MSX2: variants seen among roughly 807,000 people sequenced by gnomAD.
The protein encoded by MSX2 is homeobox protein MSX-2.
In MSX2, 10 loss-of-function variants were observed where a neutral mutation model predicts 18.4. The observed-to-expected ratio is 0.54, with a 90% confidence interval of 0.34 to 0.92. MSX2 has a LOEUF of 0.92. MSX2 is among the 40% of genes least tolerant of loss of function. MSX2 has a pLI of 0.02. For missense variants in MSX2, 339 were observed against 364.0 expected (o/e 0.93, Z 0.56); for synonymous variants, 170 against 165.6 (o/e 1.03, Z -0.20).
rs372223571 is a variant in MSX2 at position 174,729,598 on chromosome 5, A to G, written c.*15A>G. 31 of 1,605,566 alleles carry G rather than the reference A, an allele frequency of 1.9e-5. No homozygotes were observed. The African/African-American group carries it at 3.7e-4, about 19-fold the overall frequency. On this transcript the variant is annotated 3_prime_UTR_variant, in exon 2 of 2. Transcript: ENST00000239243. Reference sequence around the variant, plus strand: ...ACCTGTCCTAAGGAAGACCAGATCAATAGACTCCATGATGGATGCTTGTTT... The same window carrying G: ...ACCTGTCCTAAGGAAGACCAGATCAGTAGACTCCATGATGGATGCTTGTTT...
In MSX2 at chr5:174,730,723, A is replaced by G. The variant is rs1561643896; in HGVS notation, c.*1140A>G. On this transcript the variant is annotated 3_prime_UTR_variant, in exon 2 of 2. Transcript: ENST00000239243. Reference sequence around the variant, plus strand: ...TGAAAATGGGATTGTCAAACAGCCCATTAAGTTCCCTGGTATTTCACCTTC... The same window carrying G: ...TGAAAATGGGATTGTCAAACAGCCCGTTAAGTTCCCTGGTATTTCACCTTC... The G allele has an allele frequency of 6.6e-6, 1 of 152,608 alleles. No homozygotes were observed. The highest frequency in any genetic ancestry group is 1.5e-5 in the Non-Finnish European group (1 of 68,036). 9.5% of individuals were successfully genotyped at this position (152,608 alleles called of 1,614,324 possible).
chr5:174,729,748 T>G lies in MSX2; in HGVS notation c.*165T>G. ...CACACGACATAGCTGAAATTTGTTCTGTAGGCGGAGGCACCAAGCCCTGTT... is the reference window on the plus strand; with the variant it reads ...CACACGACATAGCTGAAATTTGTTCGGTAGGCGGAGGCACCAAGCCCTGTT... On this transcript the variant is annotated 3_prime_UTR_variant, in exon 2 of 2. Transcript: ENST00000239243. 1 of 684,022 alleles carries G rather than the reference T, an allele frequency of 1.5e-6. No homozygotes were observed. Among genetic ancestry groups the G allele is most frequent in the South Asian group, 1.8e-5 (1 of 54,884 alleles). The allele number at this position is 684,022 out of a possible 1,614,324, so 42.4% of individuals were successfully genotyped here.
intron 1 of MSX2, among the ~76,000 whole-genome samples, chr5:174,727,062 CAAAA>C (rs947382651): frequency 3.8e-5 from 4 of 106,208 alleles, no homozygotes; most frequent in African/African-American, 8.0e-5. Flanking sequence ...TAAAAAAAAA[CAAAA>C]AAACAAAAAA....
Position 174,727,533 on chromosome 5 carries a change from G to A in MSX2, c.380-1626G>A, listed in dbSNP as rs186337502. 3.3e-3 allele frequency among the ~76,000 whole-genome samples: 496 copies of A among 152,266 alleles called. 4 individuals carry two copies. The highest frequency in any genetic ancestry group is 6.8e-3 in the Middle Eastern group (2 of 294). On this transcript the variant is annotated intron_variant, in intron 1 of 1. Transcript: ENST00000239243. Reference sequence around the variant, plus strand: ...ACACCTGAGTCCTCCTGAGGGCCCGGCCTAGTTTAGAAAGGGCGAGAATTT... The same window carrying A: ...ACACCTGAGTCCTCCTGAGGGCCCGACCTAGTTTAGAAAGGGCGAGAATTT...
chr5:174,724,920 G>T lies in MSX2; in HGVS notation c.261G>T (p.Arg87=). The T allele has an allele frequency of 6.3e-7, 1 of 1,579,154 alleles. No individual in the cohort carries two copies. The highest frequency in any genetic ancestry group is 8.6e-7 in the Non-Finnish European group (1 of 1,164,712). ...TGCTGCTGTCGGGGCACGGCGCTCG[G>T]GAAGCGCACAGCCCCGGGCCGCTGG... ...RPLLLSGHGA[R]EAHSPGPLVK... The change falls in exon 1 of 2, where the codon CGG becomes CGT. Residue 87 remains arginine (R), a synonymous_variant. Coordinates refer to ENST00000239243, the MANE Select transcript of MSX2 (RefSeq NM_002449.5).
At chr5:174,728,887 T>TC (rs1001143094) in intron 1 of MSX2, among the ~76,000 whole-genome samples, 1 of 151,604 alleles carries the variant, frequency 6.6e-6, no homozygotes, top group African/African-American at 2.4e-5. Context: ...ATGGTCCCCC[T>TC]CCCCCCAAGA....
In MSX2 at chr5:174,729,465, C is replaced by A. The variant is rs1287374727; in HGVS notation, c.686C>A (p.Pro229His). 6.2e-7 allele frequency: 1 copy of A among 1,614,000 alleles called. No homozygotes were observed. Among genetic ancestry groups the A allele is most frequent in the Non-Finnish European group, 8.5e-7 (1 of 1,179,882 alleles). Residue 229 changes from proline to histidine, a missense_variant, in exon 2 of 2, where the codon CCC becomes CAC. Around this residue, in one of 2 missense-constraint regions of MSX2, gnomAD observed 128 missense variants for 178.6 expected, o/e 0.72. Coordinates refer to ENST00000239243, the MANE Select transcript of MSX2 (RefSeq NM_002449.5). ...AGTCTCCCTTTCCCCATCAGCTCGC[C>A]CCTGCAGGCAGCGTCCATATATGGA... is the stretch of plus-strand genomic sequence containing the variant. ...SFSLPFPISS[P>H]LQAASIYGAS...
At chr5:174,728,991 GTGTGTA>G (rs1344184801) in intron 1 of MSX2, among the ~76,000 whole-genome samples, 162 bp from the exon 2 acceptor site, 8 of 97,318 alleles carry the variant, frequency 8.2e-5, no homozygotes, top group South Asian at 3.6e-4. Flanking sequence ...GTGTGTGTGT[GTGTGTA>G]TATGTATGTA....
intron 1 of MSX2, among the ~76,000 whole-genome samples, chr5:174,727,562 A>T (rs1313926354): frequency 6.6e-6 from 1 of 152,148 alleles, no homozygotes; most frequent in African/African-American, 2.4e-5. Context: ...AGAATTTTGC[A>T]GGTCTCTTGA....
chr5:174,728,236 G>C (rs1760846080), intron 1 of MSX2, among the ~76,000 whole-genome samples: 1 of 152,196 alleles, frequency 6.6e-6, no homozygotes, highest in Non-Finnish European at 1.5e-5. Context: ...TGACTAAGAT[G>C]TCATCACGTG....
At chr5:174,729,078 A>G (rs1240821313) in intron 1 of MSX2, 81 bp from the exon 2 acceptor site, 4 of 1,420,456 alleles carry the variant, frequency 2.8e-6, no homozygotes, top group Non-Finnish European at 3.9e-6. Context: ...ACCTAGAGAG[A>G]TGACGGGGGA....
At chr5:174,726,673 T>G (rs1483828250) in intron 1 of MSX2, among the ~76,000 whole-genome samples, 1 of 151,914 alleles carries the variant, frequency 6.6e-6, no homozygotes, top group Non-Finnish European at 1.5e-5. Context: ...CTCTTAAAAT[T>G]TTAGTACTGT....
chr5:174,725,096 G>A (rs1238517572), intron 1 of MSX2, 58 bp downstream of exon 1: 2 of 1,594,526 alleles, frequency 1.3e-6, no homozygotes, highest in Admixed American at 1.8e-5. Flanking sequence ...GGGAGCGGGG[G>A]GCGGGTGTTC....
rs180684930 is a variant in MSX2, at chr5:174,730,387, G to A, written c.*804G>A. 1.3e-5 allele frequency: 2 copies of A among 152,164 alleles called. No individual in the cohort carries two copies. 9.4% of individuals were successfully genotyped at this position (152,164 alleles called of 1,614,324 possible). A position where few individuals can be genotyped will look rare whatever the true frequency, so the allele number is the denominator to read the frequency against. Reference sequence around the variant, plus strand: ...CAAGGCTGTTGGTAACTTTATTTCAGATAATTGGAGAGTAAAATGTTAAAA... The same window carrying A: ...CAAGGCTGTTGGTAACTTTATTTCAAATAATTGGAGAGTAAAATGTTAAAA... On this transcript the variant is annotated 3_prime_UTR_variant, in exon 2 of 2. Transcript: ENST00000239243.
chr5:174,729,752 G>T lies in MSX2; in HGVS notation c.*169G>T. 1 of 655,924 alleles carries T rather than the reference G, an allele frequency of 1.5e-6. No homozygotes were observed. Among genetic ancestry groups the T allele is most frequent in the Non-Finnish European group, 2.7e-6 (1 of 376,508 alleles). 40.6% of individuals were successfully genotyped at this position (655,924 alleles called of 1,614,324 possible). A position where few individuals can be genotyped will look rare whatever the true frequency, so the allele number is the denominator to read the frequency against. On this transcript the variant is annotated 3_prime_UTR_variant, in exon 2 of 2. Coordinates refer to ENST00000239243, the MANE Select transcript of MSX2 (RefSeq NM_002449.5). ...CGACATAGCTGAAATTTGTTCTGTA[G>T]GCGGAGGCACCAAGCCCTGTTTTCT...
chr5:174,728,640 G>A (rs1383955060), intron 1 of MSX2, among the ~76,000 whole-genome samples: 3 of 152,142 alleles, frequency 2.0e-5, no homozygotes, highest in Admixed American at 1.3e-4. Context: ...AAGGGAGGCT[G>A]GGCTAATCAT....
At chr5:174,727,272 G>C (rs569812692) in intron 1 of MSX2, among the ~76,000 whole-genome samples, 7 of 152,206 alleles carry the variant, frequency 4.6e-5, no homozygotes, top group Non-Finnish European at 5.9e-5. Flanking sequence ...TCCTTCCTCT[G>C]GCTGGTTTAA....
intron 1 of MSX2, 70 bp downstream of exon 1, chr5:174,725,108 A>G (rs759506431): frequency 3.2e-6 from 5 of 1,573,862 alleles, no homozygotes; most frequent in South Asian, 2.4e-5. Flanking sequence ...CGGGTGTTCC[A>G]GGGCTGAGGG....
rs371076863 is a variant in MSX2 at position 174,724,610 on chromosome 5, C to T, written c.-50C>T. 227 of 1,554,250 alleles carry T rather than the reference C, an allele frequency of 1.5e-4. No individual in the cohort carries two copies. Among genetic ancestry groups the T allele is most frequent in the Non-Finnish European group, 1.9e-4 (217 of 1,149,318 alleles). ...GCAAAAAAGTTTGAGTCGCCGCTGC[C>T]GGGTTGCCAGCGGAGTCGCGCGTCG... On this transcript the variant is annotated 5_prime_UTR_variant, in exon 1 of 2. Coordinates refer to ENST00000239243, the MANE Select transcript of MSX2 (RefSeq NM_002449.5).
Sources: allele counts gnomAD v4.1 joint callset (sites outside exome capture counted in the v4.1 genomes callset), GRCh38; gene constraint gnomAD v4.1.1; regional missense constraint gnomAD v4.1.1; transcripts MANE v1.5; gene names NCBI Gene and HGNC (gene_info 2026-07-23, HGNC 2026-07-21).